The following RANBP3 variants were observed in gnomAD, a reference collection of about 807,000 sequenced individuals.
RANBP3 encodes RAN binding protein 3.
RANBP3 carries 14 observed loss-of-function variants against 77.3 expected under a neutral mutation model. The ratio of observed to expected loss-of-function variants is 0.18; its 90% CI spans 0.12 to 0.28. RANBP3 has a LOEUF of 0.28. Ranked by LOEUF, RANBP3 falls within the 10% of genes least tolerant of loss-of-function variation. RANBP3 has a pLI of 1.00. For missense variants in RANBP3, 586 were observed against 752.3 expected (o/e 0.78, Z 2.59); for synonymous variants, 315 against 312.4 (o/e 1.01, Z -0.09).
At chr19:5,940,195 G>A (rs1251634156) in intron 5 of RANBP3, among the ~76,000 whole-genome samples, 1 of 152,212 alleles carries the variant, frequency 6.6e-6, no homozygotes, top group African/African-American at 2.4e-5. Flanking sequence ...TTTGAAGAGG[G>A]CCGGGGAGAA....
At chr19:5,976,737 C>T (rs772529484) in intron 1 of RANBP3, among the ~76,000 whole-genome samples, 22 of 152,114 alleles carry the variant, frequency 1.4e-4, no homozygotes, top group Admixed American at 7.2e-4. Flanking sequence ...AGCTAGACTC[C>T]GTCCCAAAAA....
chr19:5,920,528 T>C (rs2057804344), intron 14 of RANBP3, among the ~76,000 whole-genome samples: 1 of 152,182 alleles, frequency 6.6e-6, no homozygotes, highest in African/African-American at 2.4e-5. Flanking sequence ...AATATTAACA[T>C]GAAAGCTTTT....
At chr19:5,962,431 G>A (rs1187456930) in intron 1 of RANBP3, among the ~76,000 whole-genome samples, 6 of 152,094 alleles carry the variant, frequency 3.9e-5, no homozygotes, top group South Asian at 2.1e-4. Flanking sequence ...CGTCTGTTCC[G>A]TTTCTCTCTG....
intron 5 of RANBP3, among the ~76,000 whole-genome samples, chr19:5,939,031 C>T (rs1334965787): frequency 3.3e-5 from 5 of 151,786 alleles, no homozygotes; most frequent in Non-Finnish European, 7.4e-5. Flanking sequence ...TAAAAAAATA[C>T]AAAATTACCC....
intron 1 of RANBP3, among the ~76,000 whole-genome samples, chr19:5,970,320 G>T (rs1473741508): frequency 6.6e-6 from 1 of 152,034 alleles, no homozygotes; most frequent in East Asian, 1.9e-4. Context: ...CCCCCACCCT[G>T]GCTTCTGGGA....
At chr19:5,974,718 CG>C (rs1188677481) in intron 1 of RANBP3, among the ~76,000 whole-genome samples, 7 of 152,120 alleles carry the variant, frequency 4.6e-5, no homozygotes, top group Non-Finnish European at 1.0e-4. Context: ...CTCAAACCAG[CG>C]GGTCTCAACC....
At chr19:5,975,693 CA>C (rs1340555591) in intron 1 of RANBP3, among the ~76,000 whole-genome samples, 1 of 146,832 alleles carries the variant, frequency 6.8e-6, no homozygotes, top group Non-Finnish European at 1.5e-5. Context: ...GAAAATCAAG[CA>C]GGGTGAACGG....
chr19:5,925,603 C>T (rs1416195809), intron 10 of RANBP3, 31 bp downstream of exon 10: 1 of 1,597,392 alleles, frequency 6.3e-7, no homozygotes, highest in South Asian at 1.1e-5. Flanking sequence ...CATCGCCATG[C>T]CAGGCTGGCC....
chr19:5,964,864 T>C (rs866820272), intron 1 of RANBP3, among the ~76,000 whole-genome samples: 2 of 17,448 alleles, frequency 1.1e-4, no homozygotes. Flanking sequence ...GGGGGGGGGG[T>C]GGCACGGTGG....
chr19:5,949,997 A>G (rs1401163359), intron 3 of RANBP3, among the ~76,000 whole-genome samples: 1 of 152,160 alleles, frequency 6.6e-6, no homozygotes, highest in African/African-American at 2.4e-5. Flanking sequence ...CACCTGCAGA[A>G]GGCCTCTGGG....
At chr19:5,947,325 A>G (rs947937256) in intron 3 of RANBP3, among the ~76,000 whole-genome samples, 3 of 151,530 alleles carry the variant, frequency 2.0e-5, no homozygotes, top group Admixed American at 1.3e-4. Flanking sequence ...AAAAAAAAAA[A>G]AAAGAAAGAA....
At chr19:5,919,983 A>T (rs2057796845) in intron 14 of RANBP3, among the ~76,000 whole-genome samples, 1 of 151,912 alleles carries the variant, frequency 6.6e-6, no homozygotes, top group African/African-American at 2.4e-5. Flanking sequence ...TTCTGACCAG[A>T]GCAGTGTTTC....
chr19:5,941,502 G>A (rs903754210), intron 5 of RANBP3, 119 bp downstream of exon 5: 1 of 894,518 alleles, frequency 1.1e-6, no homozygotes, highest in African/African-American at 1.7e-5. Context: ...CCGAGCCTCA[G>A]ATCGACTCTA....
rs767356378 is a variant in RANBP3 at position 5,918,483 on chromosome 19, G to A, written c.1473+13C>T. On this transcript the variant is annotated intron_variant, in intron 15 of 16. Transcript: ENST00000340578. ...GATGAGGGGTCCCAGATGCACCCGC[G>A]TGGCTGGCTCACCGAGATCAGGAAG... is the stretch of plus-strand genomic sequence containing the variant. The A allele has an allele frequency of 1.5e-5, 24 of 1,600,680 alleles. No homozygotes were observed. Among genetic ancestry groups the A allele is most frequent in the East Asian group, 4.5e-5 (2 of 44,170 alleles).
chr19:5,953,459 G>A (rs187473674), intron 2 of RANBP3, among the ~76,000 whole-genome samples: 5 of 152,208 alleles, frequency 3.3e-5, no homozygotes, highest in African/African-American at 9.6e-5. Flanking sequence ...AACACCCTAC[G>A]ACCACATTTT....
At chr19:5,926,768 G>A (rs1188152424) in intron 9 of RANBP3, among the ~76,000 whole-genome samples, 1 of 152,084 alleles carries the variant, frequency 6.6e-6, no homozygotes, top group Non-Finnish European at 1.5e-5. Flanking sequence ...CTCCTTGGAG[G>A]GAACAGCCCC....
chr19:5,960,043 C>G (rs2058380755), intron 1 of RANBP3, among the ~76,000 whole-genome samples: 1 of 152,108 alleles, frequency 6.6e-6, no homozygotes, highest in African/African-American at 2.4e-5. Flanking sequence ...GCTGGAGATC[C>G]TGGGGCTGCT....
chr19:5,939,146 C>CT (rs1399215372), intron 5 of RANBP3, among the ~76,000 whole-genome samples: 3 of 152,052 alleles, frequency 2.0e-5, no homozygotes, highest in African/African-American at 7.2e-5. Context: ...GATCACACCA[C>CT]TGCACTCCAG....
At chr19:5,927,810 C>A (rs1401165601) in intron 9 of RANBP3, among the ~76,000 whole-genome samples, 158 bp downstream of exon 9, 1 of 152,198 alleles carries the variant, frequency 6.6e-6, no homozygotes, top group Non-Finnish European at 1.5e-5. Flanking sequence ...ACACGCACAC[C>A]AGCAGCAGAC....
Sources: gnomAD v4.1 joint callset for allele counts (sites outside exome capture counted in the v4.1 genomes callset) on GRCh38, gnomAD v4.1.1 for gene constraint, MANE v1.5 for transcripts, NCBI Gene and HGNC (gene_info 2026-07-23, HGNC 2026-07-21) for gene names.